The following WRN variants were observed in gnomAD, a reference collection of about 807,000 sequenced individuals.
WRN encodes the protein WRN RecQ like helicase.
A neutral mutation model predicts 180.7 loss-of-function variants in WRN; 149 were observed. The ratio of observed to expected loss-of-function variants is 0.82; its 90% CI spans 0.72 to 0.94. WRN has a LOEUF of 0.94. WRN is among the 40% of genes least tolerant of loss of function. The pLI, the probability that WRN is intolerant of heterozygous loss-of-function variation, is 0.00. For missense variants in WRN, 1,661 were observed against 1,700.1 expected (o/e 0.98, Z 0.40); for synonymous variants, 548 against 568.9 (o/e 0.96, Z 0.52).
chr8:31,174,825 C>CT lies in WRN; in HGVS notation c.*1724dup, dbSNP rs1804222270. 8.9e-6 allele frequency among the ~76,000 whole-genome samples: 1 copy of CT among 111,906 alleles called. No homozygotes were observed. Among genetic ancestry groups the CT allele is most frequent in the Non-Finnish European group, 1.8e-5 (1 of 54,572 alleles). The allele number at this position is 111,906 out of a possible 152,430, so 73.4% of individuals were successfully genotyped here. On this transcript the variant is annotated 3_prime_UTR_variant, in exon 35 of 35. Coordinates refer to ENST00000298139, the MANE Select transcript of WRN (RefSeq NM_000553.6). ...CCTTCCTTCCTTCCTTCCTTCCTCC[C>CT]TCCCTCCCTCCCTCCCTCCCTCCCT...
At chr8:31,089,044 C>A in intron 13 of WRN, 79 bp downstream of exon 13, 1 of 1,259,892 alleles carries the variant, frequency 7.9e-7, no homozygotes, top group Non-Finnish European at 1.1e-6. Context: ...AACCTGTCTG[C>A]TTAACAGCAA....
intron 33 of WRN, among the ~76,000 whole-genome samples, chr8:31,163,182 C>G (rs934669810): frequency 6.6e-6 from 1 of 152,198 alleles, no homozygotes. Flanking sequence ...AATGGACATT[C>G]TAACATCACT....
intron 18 of WRN, among the ~76,000 whole-genome samples, chr8:31,103,112 G>A (rs144092681): frequency 6.6e-6 from 1 of 152,136 alleles, no homozygotes; most frequent in African/African-American, 2.4e-5. Flanking sequence ...CCACCTCCAC[G>A]TCTTATCCCA....
rs562797005 is a variant in WRN, at chr8:31,169,230, A to G, written c.4191+2000A>G. On this transcript the variant is annotated intron_variant, in intron 34 of 34. Transcript: ENST00000298139. ...ATTTTTTTCTTCCTTTTCACCTTCTATTTCTCTTTTAACATAATTGTATTT... is the reference window on the plus strand; with the variant it reads ...ATTTTTTTCTTCCTTTTCACCTTCTGTTTCTCTTTTAACATAATTGTATTT... Among the ~76,000 whole-genome samples the G allele has an allele frequency of 3.5e-3, 522 of 149,558 alleles. 5 individuals are homozygous for G. The highest frequency in any genetic ancestry group is 0.012 in the African/African-American group (492 of 40,758).
rs763768734 is a variant in WRN, at chr8:31,167,083, C to G, written c.4044C>G (p.Ile1348Met). The G allele has an allele frequency of 2.5e-6, 4 of 1,613,356 alleles. No individual in the cohort carries two copies. Among genetic ancestry groups the G allele is most frequent in the Non-Finnish European group, 3.4e-6 (4 of 1,179,512 alleles). ...LVPENIDTYL[I>M]HMAIEILKHG... is the part of the protein sequence containing the mutation. The stretch of plus-strand genomic sequence containing the variant: ...CTGAAAACATTGACACGTACCTTAT[C>G]CACATGGCAATTGAGATCCTTAAAC... The change falls in exon 34 of 35, where the codon ATC becomes ATG. Residue 1348 changes from isoleucine (I) to methionine (M), a missense_variant. This residue lies in a region of WRN where 1,141 missense variants were observed against 1,149.4 expected (regional missense o/e 0.99). Transcript: ENST00000298139.
intron 1 of WRN, among the ~76,000 whole-genome samples, chr8:31,048,701 G>A (rs927140412): frequency 2.0e-5 from 3 of 152,082 alleles, no homozygotes; most frequent in Non-Finnish European, 2.9e-5. Context: ...CTTTTTGACT[G>A]GAAGCTGCTT....
chr8:31,049,011 C>G (rs1436118812), intron 1 of WRN, among the ~76,000 whole-genome samples: 1 of 151,470 alleles, frequency 6.6e-6, no homozygotes, highest in Non-Finnish European at 1.5e-5. Context: ...GAAAGAACAT[C>G]CTGGCTAACA....
intron 16 of WRN, 124 bp downstream of exon 16, chr8:31,092,022 G>A: frequency 1.2e-6 from 1 of 863,370 alleles, no homozygotes; most frequent in Non-Finnish European, 1.9e-6. Context: ...TTCTAATCAT[G>A]TGGTCAGATG....
chr8:31,034,904 G>A (rs1186733892), intron 1 of WRN, among the ~76,000 whole-genome samples: 1 of 152,126 alleles, frequency 6.6e-6, no homozygotes, highest in African/African-American at 2.4e-5. Context: ...TGGCTTCTTG[G>A]TTCCAGTCTA....
chr8:31,170,037 C>T (rs542105628), intron 34 of WRN, among the ~76,000 whole-genome samples: 1 of 152,244 alleles, frequency 6.6e-6, no homozygotes, highest in South Asian at 2.1e-4. Context: ...TTGGGGTTCT[C>T]TTGTTATCAG....
intron 15 of WRN, 70 bp from the exon 16 acceptor site, chr8:31,091,760 C>T: frequency 7.4e-7 from 1 of 1,345,684 alleles, no homozygotes; most frequent in South Asian, 1.2e-5. Flanking sequence ...TTTATTCTTT[C>T]TCACTTAAGA....
At chr8:31,144,528 G>A (rs553441955) in intron 28 of WRN, among the ~76,000 whole-genome samples, 2 of 152,164 alleles carry the variant, frequency 1.3e-5, no homozygotes, top group African/African-American at 4.8e-5. Context: ...GTAGAGATGG[G>A]TTTTTGCCGT....
intron 1 of WRN, among the ~76,000 whole-genome samples, chr8:31,042,518 A>G (rs1487776194): frequency 1.3e-5 from 2 of 152,210 alleles, no homozygotes; most frequent in African/African-American, 4.8e-5. Context: ...ATGGACTTCT[A>G]TTCTTTGATG....
chr8:31,086,757 A>G (rs944502658), intron 11 of WRN, among the ~76,000 whole-genome samples: 2 of 152,198 alleles, frequency 1.3e-5, no homozygotes, highest in South Asian at 2.1e-4. Context: ...AGAGCCTGAC[A>G]TTTAGTAAGT....
At chr8:31,056,621 A>T (rs889544436) in intron 1 of WRN, among the ~76,000 whole-genome samples, 1 of 152,272 alleles carries the variant, frequency 6.6e-6, no homozygotes, top group African/African-American at 2.4e-5. Context: ...ACAGAAATGT[A>T]CCTTTCTTTT....
intron 18 of WRN, among the ~76,000 whole-genome samples, chr8:31,104,597 A>G (rs1046939582): frequency 9.9e-5 from 15 of 151,944 alleles, no homozygotes; most frequent in Non-Finnish European, 2.1e-4. Flanking sequence ...GATCCTGAAG[A>G]TTTTCTCCTG....
chr8:31,085,314 T>A (rs1813487844), intron 11 of WRN, 68 bp downstream of exon 11: 2 of 1,544,282 alleles, frequency 1.3e-6, no homozygotes, highest in Non-Finnish European at 1.8e-6. Context: ...AGTAAAATAT[T>A]AACTAATTCT....
chr8:31,041,988 G>T (rs1168498845), intron 1 of WRN, among the ~76,000 whole-genome samples: 2 of 152,170 alleles, frequency 1.3e-5, no homozygotes, highest in East Asian at 3.8e-4. Flanking sequence ...TGTTAACTTG[G>T]AGTTTAAACT....
Position 31,096,758 on chromosome 8 carries a change from GT to G in WRN, c.1899-5del. ...TTTTTTTTTCTTTTTTCTTTTGTTT[GT>G]TTTTACAGAGGTAAATACCGGATTG... is the stretch of plus-strand genomic sequence containing the variant. On this transcript the variant is annotated splice_polypyrimidine_tract_variant and intron_variant, in intron 16 of 34. Transcript: ENST00000298139. 1 of 1,208,454 alleles carries G rather than the reference GT, an allele frequency of 8.3e-7. No individual in the cohort carries two copies. The highest frequency in any genetic ancestry group is 1.5e-5 in the South Asian group (1 of 65,332). 74.9% of individuals were successfully genotyped at this position (1,208,454 alleles called of 1,614,324 possible).
Sources: allele counts gnomAD v4.1 joint callset (sites outside exome capture counted in the v4.1 genomes callset), GRCh38; gene constraint gnomAD v4.1.1; regional missense constraint gnomAD v4.1.1; transcripts MANE v1.5; gene names NCBI Gene and HGNC (gene_info 2026-07-23, HGNC 2026-07-21).